Variants in MCCC1 observed in about 807,000 individuals in gnomAD.
The protein encoded by MCCC1 is methylcrotonyl-CoA carboxylase subunit 1.
Under a neutral mutation model 83.8 loss-of-function variants are expected in MCCC1, and 64 were observed. That is an observed-to-expected ratio of 0.76 (90% CI 0.62 to 0.94). The LOEUF is 0.94. Among genes scored for constraint, MCCC1 ranks in the 40% least tolerant of loss-of-function variants. MCCC1 has a pLI of 0.00. For missense variants in MCCC1, 807 were observed against 904.7 expected (o/e 0.89, Z 1.39); for synonymous variants, 322 against 315.4 (o/e 1.02, Z -0.22).
Position 183,022,507 on chromosome 3 carries a change from T to C in MCCC1, c.1779A>G (p.Gly593=), listed in dbSNP as rs749885842. ...FQVLGNLYSE[G]DCTYLKCSVN... ...CAGAACATTTCAGGTAAGTGCAGTCTCCCTCGCTGTAAAGATTACCAAGGA... is the reference window on the plus strand; with the variant it reads ...CAGAACATTTCAGGTAAGTGCAGTCCCCCTCGCTGTAAAGATTACCAAGGA... The change falls in exon 16 of 19, where the codon GGA becomes GGG. Residue 593 remains glycine (G), a synonymous_variant. Coordinates refer to ENST00000265594, the MANE Select transcript of MCCC1 (RefSeq NM_020166.5). 3 of 1,613,928 alleles carry C rather than the reference T, an allele frequency of 1.9e-6. No individual in the cohort carries two copies. Among genetic ancestry groups the C allele is most frequent in the Non-Finnish European group, 2.5e-6 (3 of 1,179,868 alleles).
intron 14 of MCCC1, among the ~76,000 whole-genome samples, chr3:183,029,399 C>T (rs1712868518): frequency 6.6e-6 from 1 of 152,202 alleles, no homozygotes; most frequent in Non-Finnish European, 1.5e-5. Context: ...CTCCCTCTAC[C>T]TTCTTCTCCA....
chr3:183,035,714 A>C (rs567523999), intron 13 of MCCC1, among the ~76,000 whole-genome samples: 2 of 152,170 alleles, frequency 1.3e-5, no homozygotes, highest in Non-Finnish European at 2.9e-5. Flanking sequence ...AATTACCAAT[A>C]AAAGAGAAAA....
chr3:183,076,624 T>A (rs1423698577), intron 4 of MCCC1, among the ~76,000 whole-genome samples: 1 of 152,242 alleles, frequency 6.6e-6, no homozygotes, highest in Non-Finnish European at 1.5e-5. Flanking sequence ...CAATTTATGA[T>A]GCTTTAAAGT....
At chr3:183,076,014 C>G (rs1717046658) in intron 4 of MCCC1, among the ~76,000 whole-genome samples, 2 of 152,188 alleles carry the variant, frequency 1.3e-5, no homozygotes, top group Admixed American at 1.3e-4. Flanking sequence ...TGAAACAGGT[C>G]TATGTCCTAG....
At chr3:183,114,132 G>A (rs548108699) in intron 1 of MCCC1, among the ~76,000 whole-genome samples, 10 of 152,236 alleles carry the variant, frequency 6.6e-5, no homozygotes, top group East Asian at 1.9e-4. Context: ...AGCTATATCC[G>A]CAGTGCCCAA....
chr3:183,019,314 T>C (rs1560201651), intron 17 of MCCC1, among the ~76,000 whole-genome samples: 1 of 152,234 alleles, frequency 6.6e-6, no homozygotes, highest in Non-Finnish European at 1.5e-5. Context: ...TAAATGTCTA[T>C]ATCCCTCCAG....
intron 3 of MCCC1, among the ~76,000 whole-genome samples, chr3:183,091,865 T>C (rs1305067079): frequency 3.3e-5 from 5 of 152,068 alleles, no homozygotes; most frequent in African/African-American, 4.8e-5. Context: ...GGTGAAAACC[T>C]GTCTCTACTA....
chr3:183,079,771 C>T (rs574028770), intron 4 of MCCC1, among the ~76,000 whole-genome samples: 95 of 152,348 alleles, frequency 6.2e-4, no homozygotes, highest in African/African-American at 2.2e-3. Context: ...GAGGGTTCCA[C>T]CCCTGCAGCA....
chr3:183,077,148 C>A (rs1641174605), intron 4 of MCCC1, among the ~76,000 whole-genome samples: 1 of 152,160 alleles, frequency 6.6e-6, no homozygotes, highest in South Asian at 2.1e-4. Context: ...AGTTGATAGA[C>A]ATTTGCATTG....
intron 7 of MCCC1, among the ~76,000 whole-genome samples, chr3:183,063,685 G>A (rs531440135): frequency 2.2e-4 from 34 of 152,232 alleles, no homozygotes; most frequent in Non-Finnish European, 4.4e-4. Context: ...TGAGATCCAA[G>A]AATCCTCTCT....
At position 183,106,482 on chromosome 3, in the gene MCCC1, T is replaced by TTTTCTTTCTTTCTTTCTTTCTTTCTTTC. The variant is rs144890143; in HGVS notation, c.-102+8964_-102+8991dup. Among the ~76,000 whole-genome samples the TTTTCTTTCTTTCTTTCTTTCTTTCTTTC allele has an allele frequency of 2.8e-3, 412 of 147,062 alleles. 16 individuals are homozygous for TTTTCTTTCTTTCTTTCTTTCTTTCTTTC. Among genetic ancestry groups the TTTTCTTTCTTTCTTTCTTTCTTTCTTTC allele is most frequent in the African/African-American group, 0.01 (391 of 38,288 alleles). ...AGATTTCCCAAATGTTTCTTTGTTC[T>TTTTCTTTCTTTCTTTCTTTCTTTCTTTC]TTTCTTTCTTTCTTTCTTTCTTTCT... On this transcript the variant is annotated intron_variant, in intron 1 of 17. Transcript: ENST00000492597.
intron 18 of MCCC1, among the ~76,000 whole-genome samples, chr3:183,016,759 G>T (rs916209160): frequency 2.0e-5 from 3 of 152,246 alleles, no homozygotes; most frequent in African/African-American, 7.2e-5. Context: ...GTTGAGGACT[G>T]TCTGCAATAT....
chr3:183,018,788 TA>T (rs1222844495), intron 17 of MCCC1, among the ~76,000 whole-genome samples: 1 of 152,260 alleles, frequency 6.6e-6, no homozygotes, highest in Non-Finnish European at 1.5e-5. Context: ...TGGGGTTGTC[TA>T]GGGCTAAGTA....
rs7629763 is a variant in MCCC1, at chr3:183,034,179, A to G, written c.1595-102T>C. The G allele has an allele frequency of 6.9e-3, 5,726 of 826,622 alleles. 213 individuals carry two copies. In the African/African-American group the frequency reaches 0.084, roughly 12 times the overall value. 51.2% of individuals were successfully genotyped at this position (826,622 alleles called of 1,614,324 possible). A position where few individuals can be genotyped will look rare whatever the true frequency, so the allele number is the denominator to read the frequency against. ...TAAAATGCAAGTGCTGGCCGGGCAC[A>G]GTGGCTCATGCCTGTAATCCCAGCA... On this transcript the variant is annotated intron_variant, in intron 13 of 18. Coordinates refer to ENST00000265594, the MANE Select transcript of MCCC1 (RefSeq NM_020166.5).
At chr3:183,090,314 C>T (rs1577358795) in intron 3 of MCCC1, among the ~76,000 whole-genome samples, 1 of 152,190 alleles carries the variant, frequency 6.6e-6, no homozygotes, top group East Asian at 1.9e-4. Flanking sequence ...TGGATAGTAT[C>T]AGTCTAGTAG....
intron 14 of MCCC1, among the ~76,000 whole-genome samples, chr3:183,030,001 A>G (rs542741424): frequency 4.6e-5 from 7 of 152,270 alleles, no homozygotes; most frequent in African/African-American, 1.4e-4. Flanking sequence ...CCCAAATAGG[A>G]AAGTGGGACA....
intron 7 of MCCC1, among the ~76,000 whole-genome samples, chr3:183,065,491 G>T (rs779333540): frequency 1.3e-5 from 2 of 152,194 alleles, no homozygotes; most frequent in Non-Finnish European, 2.9e-5. Flanking sequence ...TAATTTATGT[G>T]ATTTAAGTAA....
At position 183,025,743 on chromosome 3, in the gene MCCC1, A is replaced by G. The variant is rs1280502116; in HGVS notation, c.1731+12T>C. The G allele has an allele frequency of 6.2e-7, 1 of 1,612,746 alleles. No homozygotes were observed. The highest frequency in any genetic ancestry group is 1.1e-5 in the South Asian group (1 of 91,056). Reference sequence around the variant, plus strand: ...CAGCTCTGCACTGTAGAACAAAACCAGTAAGGCTTACCTGCATGCTATAAG... The same window carrying G: ...CAGCTCTGCACTGTAGAACAAAACCGGTAAGGCTTACCTGCATGCTATAAG... On this transcript the variant is annotated intron_variant, in intron 15 of 18. Transcript: ENST00000265594.
intron 3 of MCCC1, 31 bp downstream of exon 3, chr3:183,092,378 T>A: frequency 1.2e-6 from 2 of 1,613,950 alleles, no homozygotes; most frequent in Non-Finnish European, 1.7e-6. Context: ...CGAATAAACG[T>A]AAGACGTGGC....
Sources: allele counts gnomAD v4.1 joint callset (sites outside exome capture counted in the v4.1 genomes callset), GRCh38; gene constraint gnomAD v4.1.1; transcripts MANE v1.5; gene names NCBI Gene and HGNC (gene_info 2026-07-23, HGNC 2026-07-21).